The following PTPRN2 variants were observed in gnomAD, a reference collection of about 807,000 sequenced individuals.
PTPRN2 encodes the protein protein tyrosine phosphatase receptor type N2.
Under a neutral mutation model 118.8 loss-of-function variants are expected in PTPRN2, and 74 were observed. That is an observed-to-expected ratio of 0.62 (90% CI 0.52 to 0.76). The LOEUF (loss-of-function observed/expected upper bound fraction) is 0.76, where lower values mean the gene tolerates loss of function less well. Ranked by LOEUF, PTPRN2 falls within the 30% of genes least tolerant of loss-of-function variation. The pLI is 0.00. For missense variants in PTPRN2, 1,481 were observed against 1,394.4 expected (o/e 1.06, Z -0.99); for synonymous variants, 641 against 608.0 (o/e 1.05, Z -0.80).
In PTPRN2 at chr7:157,785,980, G is replaced by T. The variant is rs1364928841; in HGVS notation, c.1789-103043C>A. On this transcript the variant is annotated intron_variant, in intron 12 of 22. Coordinates refer to ENST00000389418, the MANE Select transcript of PTPRN2 (RefSeq NM_002847.5). This position sits in a 1 kb window ranked among gnomAD's most constrained non-coding sequence, Gnocchi z 7.3. ...CAGGGACCCCCTGGGCCGGCTCTGG[G>T]TGCTGCTGCTCCCAGGAGAGATGGT... Among the ~76,000 whole-genome samples the T allele has an allele frequency of 1.3e-5, 2 of 152,172 alleles. No individual in the cohort carries two copies. The highest frequency in any genetic ancestry group is 2.9e-5 in the Non-Finnish European group (2 of 68,030).
At chr7:158,331,137 C>G (rs374277499) in intron 2 of PTPRN2, among the ~76,000 whole-genome samples, 10 of 120,758 alleles carry the variant, frequency 8.3e-5, no homozygotes, top group East Asian at 2.6e-4. Context: ...TAAGAGCTGA[C>G]GCCCGCAGAC....
intron 12 of PTPRN2, among the ~76,000 whole-genome samples, chr7:157,768,080 A>G (rs1234845797): frequency 6.6e-6 from 1 of 152,256 alleles, no homozygotes; most frequent in Non-Finnish European, 1.5e-5. Flanking sequence ...CGGTAAAAAC[A>G]AGAACAAACT....
intron 13 of PTPRN2, among the ~76,000 whole-genome samples, chr7:157,672,331 C>G (rs1796457490): frequency 6.6e-6 from 1 of 152,130 alleles, no homozygotes. Context: ...GCTCACTTAA[C>G]AATTTGTATA....
At chr7:157,777,372 C>T (rs779185946) in intron 12 of PTPRN2, among the ~76,000 whole-genome samples, 4 of 145,952 alleles carry the variant, frequency 2.7e-5, no homozygotes, top group South Asian at 2.6e-4. Context: ...AGGGACGCAG[C>T]CTTCCTGATG....
chr7:158,033,959 C>T (rs1157150144), intron 11 of PTPRN2, among the ~76,000 whole-genome samples: 2 of 151,306 alleles, frequency 1.3e-5, no homozygotes, highest in African/African-American at 4.9e-5. Flanking sequence ...GTGTGTGTGG[C>T]TGGCTGCACA....
chr7:158,233,546 A>G (rs1449570365), intron 3 of PTPRN2, among the ~76,000 whole-genome samples: 2 of 152,130 alleles, frequency 1.3e-5, no homozygotes, highest in Non-Finnish European at 2.9e-5. Flanking sequence ...GGGCTTGTTC[A>G]GGGTGGGCAT....
At chr7:157,942,895 A>G (rs1800237551) in intron 11 of PTPRN2, among the ~76,000 whole-genome samples, 1 of 152,108 alleles carries the variant, frequency 6.6e-6, no homozygotes, top group African/African-American at 2.4e-5. Flanking sequence ...CTGTGGCCTA[A>G]CTGGGCCCTG....
intron 2 of PTPRN2, among the ~76,000 whole-genome samples, chr7:158,476,480 A>G (rs771784310): frequency 1.3e-5 from 2 of 152,234 alleles, no homozygotes; most frequent in Non-Finnish European, 2.9e-5. Context: ...TAAGTCACCA[A>G]CAACTGCCAG....
At chr7:157,582,955 C>T (rs1216394391) in intron 17 of PTPRN2, among the ~76,000 whole-genome samples, 1 of 151,796 alleles carries the variant, frequency 6.6e-6, no homozygotes, top group Non-Finnish European at 1.5e-5. Context: ...CTGTGTGATC[C>T]AGCAATCCCA....
rs1025942070 is a variant in PTPRN2, at chr7:157,585,970, C to A, written c.2497-7830G>T. 5.3e-5 allele frequency among the ~76,000 whole-genome samples: 8 copies of A among 152,172 alleles called. No homozygotes were observed. The highest frequency in any genetic ancestry group is 4.6e-4 in the Admixed American group (7 of 15,286). ...TGTCCCAGGCAGAACCATGGACAAG[C>A]TTTGAGGTCATAGGTTTCAAACCCA... is the stretch of plus-strand genomic sequence containing the variant. On this transcript the variant is annotated intron_variant, in intron 17 of 22. Transcript: ENST00000389418. The surrounding 1 kb of genome is among the most constrained non-coding windows in gnomAD (Gnocchi z 5.2).
chr7:158,277,842 G>A (rs1018392270), intron 3 of PTPRN2, among the ~76,000 whole-genome samples: 67 of 152,308 alleles, frequency 4.4e-4, no homozygotes, highest in African/African-American at 1.4e-3. Flanking sequence ...CGCCTTCAGG[G>A]AGCAGCCCAT....
intron 11 of PTPRN2, among the ~76,000 whole-genome samples, chr7:158,067,970 C>T (rs971807604): frequency 3.3e-5 from 5 of 152,148 alleles, no homozygotes; most frequent in African/African-American, 7.2e-5. Context: ...TGAGGACAGC[C>T]GCTGAGGCTC....
In PTPRN2 at chr7:158,463,002, C is replaced by A. The variant is rs184372748; in HGVS notation, c.163+26733G>T. Among the ~76,000 whole-genome samples the A allele has an allele frequency of 2.6e-3, 20 of 7,764 alleles. No individual in the cohort carries two copies. The East Asian group carries it at 0.044, about 17-fold the overall frequency. The allele number at this position is 7,764 out of a possible 152,430, so 5.1% of individuals were successfully genotyped here. ...CTCATTTTAGCAGTGATGATTTGAACTCAGATCATTAGTTTCATGTTTCCC... is the reference window on the plus strand; with the variant it reads ...CTCATTTTAGCAGTGATGATTTGAAATCAGATCATTAGTTTCATGTTTCCC... On this transcript the variant is annotated intron_variant, in intron 2 of 22. Transcript: ENST00000389418.
chr7:158,146,769 T>G (rs536240682), intron 6 of PTPRN2, among the ~76,000 whole-genome samples: 27 of 149,698 alleles, frequency 1.8e-4, no homozygotes, highest in Non-Finnish European at 3.1e-4. Flanking sequence ...AATTAAAAGC[T>G]TCATTTTCTT....
intron 10 of PTPRN2, among the ~76,000 whole-genome samples, chr7:158,099,009 A>ATCCCGGCTGCCTCCCCTTCCTCCCGC: frequency 5.6e-5 from 1 of 17,838 alleles, no homozygotes; most frequent in South Asian, 3.2e-3. Context: ...TCCTCCCCCA[A>ATCCCGGCTGCCTCCCCTTCCTCCCGC]CACATCCCGG....
Position 158,568,178 on chromosome 7 carries a change from T to C in PTPRN2, c.112+19380A>G, listed in dbSNP as rs566374653. ...TGAGGCAGGAGAATCGCTTGAGCCCTGGAGGCAAAGGTTGCAGTGAGCCAA... is the reference window on the plus strand; with the variant it reads ...TGAGGCAGGAGAATCGCTTGAGCCCCGGAGGCAAAGGTTGCAGTGAGCCAA... On this transcript the variant is annotated intron_variant, in intron 1 of 22. Coordinates refer to ENST00000389418, the MANE Select transcript of PTPRN2 (RefSeq NM_002847.5). 1.2e-3 allele frequency among the ~76,000 whole-genome samples: 186 copies of C among 152,156 alleles called. 1 individual carries two copies. Among genetic ancestry groups the C allele is most frequent in the African/African-American group, 4.1e-3 (172 of 41,522 alleles).
In PTPRN2 at chr7:157,714,514, CTA is replaced by C. The variant is rs531606093; in HGVS notation, c.1789-31579_1789-31578del. 8.5e-5 allele frequency among the ~76,000 whole-genome samples: 13 copies of C among 152,348 alleles called. No homozygotes were observed. The East Asian group carries it at 2.3e-3, about 27-fold the overall frequency. On this transcript the variant is annotated intron_variant, in intron 12 of 22. Coordinates refer to ENST00000389418, the MANE Select transcript of PTPRN2 (RefSeq NM_002847.5). ...GGAGGCTTAAGATCTGTAGAAAAAT[CTA>C]TGAGTTTAGGAATTGTGATTCCTGA...
At chr7:158,218,492 C>T (rs535590428) in intron 3 of PTPRN2, among the ~76,000 whole-genome samples, 7 of 152,256 alleles carry the variant, frequency 4.6e-5, no homozygotes, top group Non-Finnish European at 8.8e-5. Flanking sequence ...AACACAAATA[C>T]GTAGCTCACT....
chr7:158,038,767 G>GATTTT (rs10648346), intron 11 of PTPRN2, among the ~76,000 whole-genome samples: 71,654 of 144,896 alleles, frequency 0.49, 18,014 homozygotes, highest in Non-Finnish European at 0.56. Flanking sequence ...AGAAATATAA[G>GATTTT]ATTATACATA....
Sources: gnomAD v4.1 joint callset for allele counts (sites outside exome capture counted in the v4.1 genomes callset) on GRCh38, gnomAD v4.1.1 for gene constraint, Gnocchi (gnomAD v3.1) non-coding constraint, MANE v1.5 for transcripts, NCBI Gene and HGNC (gene_info 2026-07-23, HGNC 2026-07-21) for gene names.